The following MITF variants were observed in gnomAD, a reference collection of about 807,000 sequenced individuals.
MITF encodes microphthalmia-associated transcription factor.
In MITF, 17 loss-of-function variants were observed where a neutral mutation model predicts 60.5. The ratio of observed to expected loss-of-function variants is 0.28; its 90% confidence interval spans 0.19 to 0.42. The LOEUF (loss-of-function observed/expected upper bound fraction) is 0.42. Among genes scored for constraint, MITF ranks in the 10% least tolerant of loss-of-function variants. The pLI is 1.00. For synonymous variants in MITF, 260 were observed against 248.5 expected (o/e 1.05, Z -0.43); for missense variants, 622 against 683.5 (o/e 0.91, Z 1.00).
At chr3:69,928,063 A>T (rs1386712497) in intron 2 of MITF, among the ~76,000 whole-genome samples, 1 of 152,198 alleles carries the variant, frequency 6.6e-6, no homozygotes, top group Non-Finnish European at 1.5e-5. Flanking sequence ...ACTATACTTA[A>T]ATGAAAGTAT....
In MITF at chr3:69,953,690, CAG is replaced by C. The variant is rs1209319529; in HGVS notation, c.955+1808_955+1809del. Among the ~76,000 whole-genome samples the C allele has an allele frequency of 3.8e-3, 478 of 124,662 alleles. 1 individual carries two copies. The highest frequency in any genetic ancestry group is 0.013 in the African/African-American group (448 of 33,490). The allele number at this position is 124,662 out of a possible 152,430, so 81.8% of individuals were successfully genotyped here. On this transcript the variant is annotated intron_variant, in intron 7 of 9. Coordinates refer to ENST00000352241, the MANE Select transcript of MITF (RefSeq NM_001354604.2). Reference sequence around the variant, plus strand: ...AGAGAGAGAGAGAGAGAGAGAGAGACAGAGACAGAGACAGAGACAGAGAAAGA... The same window carrying C: ...AGAGAGAGAGAGAGAGAGAGAGAGACAGACAGAGACAGAGACAGAGAAAGA...
intron 1 of MITF, among the ~76,000 whole-genome samples, chr3:69,831,100 T>TG (rs1464920230): frequency 6.6e-6 from 1 of 152,084 alleles, no homozygotes; most frequent in Non-Finnish European, 1.5e-5. Context: ...AATGAGATGA[T>TG]GTGTGTCAAG....
intron 1 of MITF, among the ~76,000 whole-genome samples, chr3:69,837,932 T>G (rs966221903): frequency 1.3e-5 from 2 of 152,224 alleles, no homozygotes; most frequent in African/African-American, 4.8e-5. Context: ...TATGCATGTG[T>G]GTATTTGTGT....
At chr3:69,932,340 G>C (rs1448813833) in intron 2 of MITF, among the ~76,000 whole-genome samples, 1 of 151,992 alleles carries the variant, frequency 6.6e-6, no homozygotes, top group Admixed American at 6.6e-5. Flanking sequence ...ATTGAAATCT[G>C]AATTTTATAT....
chr3:69,886,445 A>G (rs144144295), intron 2 of MITF, among the ~76,000 whole-genome samples: 127 of 152,250 alleles, frequency 8.3e-4, no homozygotes, highest in African/African-American at 3.0e-3. Context: ...ACTGAGGCTT[A>G]GATTATCACT....
At chr3:69,866,263 G>A in intron 1 of MITF, 1 of 1,612,586 alleles carries the variant, frequency 6.2e-7, no homozygotes, top group South Asian at 1.1e-5. Flanking sequence ...TTCGCCAAGG[G>A]CTTGCAGAAC....
chr3:69,957,409 G>A (rs767957040), intron 8 of MITF, among the ~76,000 whole-genome samples: 1 of 152,144 alleles, frequency 6.6e-6, no homozygotes, highest in Non-Finnish European at 1.5e-5. Context: ...TCACGTTACT[G>A]TTAGAGGATT....
chr3:69,783,798 A>G lies in MITF; in HGVS notation c.104+44097A>G, dbSNP rs1172879364. 2.6e-5 allele frequency among the ~76,000 whole-genome samples: 4 copies of G among 152,192 alleles called. No homozygotes were observed. In the East Asian group the frequency reaches 5.8e-4, roughly 22 times the overall value. On this transcript the variant is annotated intron_variant, in intron 1 of 9. Transcript: ENST00000352241. ...AGGGTCACCTGGGGATGTGTTAAAA[A>G]TAGGAATTCCTGGGTCTTTGGACTC...
At position 69,906,875 on chromosome 3, in the gene MITF, G is replaced by A. The variant is rs532163308; in HGVS notation, c.354+27492G>A. Among the ~76,000 whole-genome samples the A allele has an allele frequency of 1.2e-4, 18 of 152,180 alleles. No homozygotes were observed. The East Asian group carries it at 1.7e-3, about 15-fold the overall frequency. On this transcript the variant is annotated intron_variant, in intron 2 of 9. Transcript: ENST00000352241. ...GTGAATGAAAATAGGAGCTGTCAAC[G>A]CACTCCCTTTCTGCTTCTTTGACCA...
chr3:69,940,346 G>A (rs2065940459), intron 4 of MITF, among the ~76,000 whole-genome samples: 1 of 152,194 alleles, frequency 6.6e-6, no homozygotes, highest in Non-Finnish European at 1.5e-5. Flanking sequence ...GTCCTGTTAA[G>A]ACCCAAGCAC....
At chr3:69,821,698 A>G (rs1397650510) in intron 1 of MITF, among the ~76,000 whole-genome samples, 1 of 151,458 alleles carries the variant, frequency 6.6e-6, no homozygotes, top group African/African-American at 2.4e-5. Flanking sequence ...ACTAAAAAAA[A>G]AAAAAAAAGC....
At chr3:69,760,677 A>G (rs2062199144) in intron 1 of MITF, among the ~76,000 whole-genome samples, 1 of 152,104 alleles carries the variant, frequency 6.6e-6, no homozygotes, top group Non-Finnish European at 1.5e-5. Flanking sequence ...CTTTGGTGCC[A>G]TTTGCTAGTT....
chr3:69,905,363 G>T (rs552461831), intron 2 of MITF, among the ~76,000 whole-genome samples: 2 of 150,296 alleles, frequency 1.3e-5, no homozygotes, highest in East Asian at 2.0e-4. Context: ...GCAGACCACA[G>T]TTTTTTTTAT....
chr3:69,908,248 C>G (rs1384068034), intron 2 of MITF, among the ~76,000 whole-genome samples: 1 of 152,066 alleles, frequency 6.6e-6, no homozygotes, highest in Non-Finnish European at 1.5e-5. Flanking sequence ...GCTGTGCTCC[C>G]CTTGGGTGTA....
chr3:69,803,631 T>G (rs945370082), intron 1 of MITF, among the ~76,000 whole-genome samples: 5 of 152,186 alleles, frequency 3.3e-5, no homozygotes, highest in Admixed American at 1.3e-4. Flanking sequence ...TTTTTTAAAA[T>G]AAGTGTCTGT....
chr3:69,828,840 A>G (rs1310600550), intron 1 of MITF, among the ~76,000 whole-genome samples: 1 of 151,986 alleles, frequency 6.6e-6, no homozygotes, highest in Non-Finnish European at 1.5e-5. Context: ...GATGGTTTAT[A>G]TAAGTGTCTG....
At chr3:69,890,032 AATT>A (rs1260305326) in intron 2 of MITF, among the ~76,000 whole-genome samples, 13 of 152,080 alleles carry the variant, frequency 8.5e-5, no homozygotes, top group Admixed American at 3.3e-4. Flanking sequence ...CGAATATAAA[AATT>A]ATTATCTTCT....
chr3:69,829,500 C>T (rs1413113031), intron 1 of MITF, among the ~76,000 whole-genome samples: 1 of 152,112 alleles, frequency 6.6e-6, no homozygotes, highest in Non-Finnish European at 1.5e-5. Flanking sequence ...AAAAGTAATT[C>T]TTTGGATTTA....
At chr3:69,826,279 A>C (rs1216292842) in intron 1 of MITF, among the ~76,000 whole-genome samples, 2 of 152,196 alleles carry the variant, frequency 1.3e-5, no homozygotes, top group African/African-American at 4.8e-5. Context: ...TGTCCTTTAT[A>C]GAAATGGAAC....
Sources: allele counts gnomAD v4.1 joint callset (sites outside exome capture counted in the v4.1 genomes callset), GRCh38; gene constraint gnomAD v4.1.1; transcripts MANE v1.5; gene names NCBI Gene and HGNC (gene_info 2026-07-23, HGNC 2026-07-21).